The following CTTNBP2 variants were observed in gnomAD, a reference collection of about 807,000 sequenced individuals.
CTTNBP2 encodes the protein cortactin-binding protein 2.
CTTNBP2 carries 108 observed loss-of-function variants against 156.9 expected under a neutral mutation model. The ratio of observed to expected loss-of-function variants is 0.69; its 90% CI spans 0.59 to 0.81. The LOEUF is 0.81. CTTNBP2 is among the 30% of genes least tolerant of loss of function. The probability of loss-of-function intolerance (pLI) is 0.00; values close to 1 mark genes in which losing one functional copy is unlikely to be tolerated. For synonymous variants in CTTNBP2, 767 were observed against 751.8 expected (o/e 1.02, Z -0.33); for missense variants, 1,924 against 2,035.4 (o/e 0.95, Z 1.05).
chr7:117,851,889 T>A (rs1233441651), intron 2 of CTTNBP2, among the ~76,000 whole-genome samples: 1 of 152,194 alleles, frequency 6.6e-6, no homozygotes. Flanking sequence ...ATGAAAAATG[T>A]ATTCCCAGGC....
intron 1 of CTTNBP2, among the ~76,000 whole-genome samples, chr7:117,868,413 T>G (rs1055083480): frequency 6.6e-6 from 1 of 152,232 alleles, no homozygotes; most frequent in African/African-American, 2.4e-5. Context: ...TTACCTCGAC[T>G]ACTCTACATT....
chr7:117,755,166 C>G (rs781400233), intron 12 of CTTNBP2, among the ~76,000 whole-genome samples: 2 of 152,168 alleles, frequency 1.3e-5, no homozygotes, highest in Non-Finnish European at 2.9e-5. Flanking sequence ...AAGAGTAAAG[C>G]AAAGAAGTCA....
chr7:117,833,970 A>T lies in CTTNBP2; in HGVS notation c.190-22981T>A, dbSNP rs538838118. Among the ~76,000 whole-genome samples, 6 of 152,368 alleles carry T rather than the reference A, an allele frequency of 3.9e-5. No homozygotes were observed. In the East Asian group the frequency reaches 1.2e-3, roughly 29 times the overall value. ...GCTGCTTACTCACAGTCCTTTAAAAAATATATACATAGACAGACAACATCT... is the reference window on the plus strand; with the variant it reads ...GCTGCTTACTCACAGTCCTTTAAAATATATATACATAGACAGACAACATCT... On this transcript the variant is annotated intron_variant, in intron 2 of 22. Coordinates refer to ENST00000160373, the MANE Select transcript of CTTNBP2 (RefSeq NM_033427.3).
chr7:117,824,325 CATTCCACTTGTTCTGG>C (rs1801153190), intron 2 of CTTNBP2, among the ~76,000 whole-genome samples: 1 of 152,056 alleles, frequency 6.6e-6, no homozygotes, highest in Admixed American at 6.6e-5. Flanking sequence ...TGGTAGAATT[CATTCCACTTGTTCTGG>C]TCTCTTTGAG....
chr7:117,868,617 C>T (rs370260296), intron 1 of CTTNBP2, among the ~76,000 whole-genome samples: 37 of 152,172 alleles, frequency 2.4e-4, no homozygotes, highest in African/African-American at 8.0e-4. Flanking sequence ...CTTTCAATAT[C>T]GATGTCATCA....
intron 2 of CTTNBP2, among the ~76,000 whole-genome samples, chr7:117,825,095 C>T (rs568303064): frequency 3.3e-5 from 5 of 152,242 alleles, no homozygotes; most frequent in Admixed American, 6.5e-5. Context: ...TACCAGGAGT[C>T]GGTGGGTAGA....
intron 2 of CTTNBP2, among the ~76,000 whole-genome samples, chr7:117,812,991 C>G (rs570927582): frequency 6.6e-5 from 10 of 152,246 alleles, no homozygotes; most frequent in African/African-American, 2.2e-4. Context: ...ATGAAAACCT[C>G]TCTCCTTTTC....
intron 1 of CTTNBP2, among the ~76,000 whole-genome samples, chr7:117,863,238 A>G (rs1212242503): frequency 1.3e-5 from 2 of 152,238 alleles, no homozygotes; most frequent in African/African-American, 4.8e-5. Flanking sequence ...TTTTGCATAT[A>G]CACTAGACAG....
intron 12 of CTTNBP2, among the ~76,000 whole-genome samples, chr7:117,753,454 C>T (rs1182702057): frequency 6.6e-6 from 1 of 152,100 alleles, no homozygotes; most frequent in Non-Finnish European, 1.5e-5. Flanking sequence ...TACATGCATA[C>T]GTATGTTTGC....
chr7:117,808,576 T>C (rs1011048303), intron 3 of CTTNBP2, among the ~76,000 whole-genome samples: 1 of 152,244 alleles, frequency 6.6e-6, no homozygotes, highest in Non-Finnish European at 1.5e-5. Context: ...TCAGGCCAAG[T>C]GTCTTAGAAT....
chr7:117,863,480 C>A (rs1464563022), intron 1 of CTTNBP2, among the ~76,000 whole-genome samples: 1 of 152,180 alleles, frequency 6.6e-6, no homozygotes, highest in Non-Finnish European at 1.5e-5. Context: ...ATAAGAATCA[C>A]CTGAAGACCT....
chr7:117,771,818 C>T (rs1388722542), intron 8 of CTTNBP2, among the ~76,000 whole-genome samples: 1 of 152,160 alleles, frequency 6.6e-6, no homozygotes, highest in Non-Finnish European at 1.5e-5. Context: ...TACATGCTCT[C>T]TAAGCAAAGT....
At chr7:117,763,436 A>T (rs948679345) in intron 9 of CTTNBP2, among the ~76,000 whole-genome samples, 1 of 152,038 alleles carries the variant, frequency 6.6e-6, no homozygotes, top group Admixed American at 6.5e-5. Context: ...GCCAAATGCA[A>T]TCGACTCTTT....
intron 2 of CTTNBP2, among the ~76,000 whole-genome samples, chr7:117,820,973 G>C (rs1196120505): frequency 2.0e-5 from 3 of 151,588 alleles, no homozygotes; most frequent in Admixed American, 1.3e-4. Flanking sequence ...TATTTTGTTA[G>C]GTTTATTCTT....
chr7:117,823,143 A>G (rs149545405), intron 2 of CTTNBP2, among the ~76,000 whole-genome samples: 6 of 152,270 alleles, frequency 3.9e-5, no homozygotes, highest in African/African-American at 1.4e-4. Context: ...ATAATTCCCC[A>G]ATGTAAATGT....
chr7:117,817,361 A>ATAAATATATATATATATATATATAT lies in CTTNBP2; in HGVS notation c.190-6373_190-6372insATATATATATATATATATATATTTA, dbSNP rs1298639361. ...AAAAAAAAAAAAAAAAAAAAAAAAAAATATATATATATATATATATATATA... is the reference window on the plus strand; with the variant it reads ...AAAAAAAAAAAAAAAAAAAAAAAAAATAAATATATATATATATATATATATATATATATATATATATATATATATA... On this transcript the variant is annotated intron_variant, in intron 2 of 22. Transcript: ENST00000160373. 1.9e-3 allele frequency among the ~76,000 whole-genome samples: 101 copies of ATAAATATATATATATATATATATAT among 53,274 alleles called. 1 individual carries two copies. Among genetic ancestry groups the ATAAATATATATATATATATATATAT allele is most frequent in the Middle Eastern group, 0.017 (1 of 60 alleles). 34.9% of individuals were successfully genotyped at this position (53,274 alleles called of 152,430 possible).
At chr7:117,850,654 AAATATT>A (rs1432208151) in intron 2 of CTTNBP2, among the ~76,000 whole-genome samples, 1 of 152,112 alleles carries the variant, frequency 6.6e-6, no homozygotes, top group African/African-American at 2.4e-5. Context: ...GATATATTAT[AAATATT>A]AATATTTTGC....
intron 14 of CTTNBP2, among the ~76,000 whole-genome samples, chr7:117,740,180 T>G (rs892687173): frequency 6.6e-6 from 1 of 152,052 alleles, no homozygotes; most frequent in African/African-American, 2.4e-5. Flanking sequence ...AAGTAATTTA[T>G]GCTAGAATAA....
chr7:117,815,176 C>T (rs1298137523), intron 2 of CTTNBP2, among the ~76,000 whole-genome samples: 1 of 152,076 alleles, frequency 6.6e-6, no homozygotes, highest in African/African-American at 2.4e-5. Flanking sequence ...TCTAGAAATA[C>T]GTAATTCTAA....
Sources: gnomAD v4.1 joint callset for allele counts (sites outside exome capture counted in the v4.1 genomes callset) on GRCh38, gnomAD v4.1.1 for gene constraint, MANE v1.5 for transcripts, NCBI Gene and HGNC (gene_info 2026-07-23, HGNC 2026-07-21) for gene names.